The following FAR2 variants were observed in gnomAD, a reference collection of about 807,000 sequenced individuals.
FAR2 encodes the protein epididymis secretory protein Li 81.
In FAR2, 19 loss-of-function variants were observed where a neutral mutation model predicts 56.0. The observed-to-expected ratio is 0.34, with a 90% CI of 0.24 to 0.50. The LOEUF is 0.50. FAR2 is among the 20% of genes least tolerant of loss of function. The probability of loss-of-function intolerance (pLI) is 0.98; values close to 1 mark genes in which losing one functional copy is unlikely to be tolerated. For synonymous variants in FAR2, 219 were observed against 218.8 expected (o/e 1.00, Z -0.01); for missense variants, 508 against 642.2 (o/e 0.79, Z 2.26).
At chr12:29,294,099 A>T (rs79805544) in intron 3 of FAR2, among the ~76,000 whole-genome samples, 1 of 152,172 alleles carries the variant, frequency 6.6e-6, no homozygotes, top group East Asian at 1.9e-4. Flanking sequence ...GTGCACATGA[A>T]TGCTCATTTT....
chr12:29,253,564 A>T (rs995438689), intron 1 of FAR2, among the ~76,000 whole-genome samples: 2 of 152,060 alleles, frequency 1.3e-5, no homozygotes, highest in African/African-American at 4.8e-5. Flanking sequence ...AGCAAAGCAT[A>T]AAAAAATGTG....
At chr12:29,278,844 G>A (rs1948742830) in intron 2 of FAR2, among the ~76,000 whole-genome samples, 1 of 152,172 alleles carries the variant, frequency 6.6e-6, no homozygotes, top group Non-Finnish European at 1.5e-5. Flanking sequence ...ACATTTGCTA[G>A]ACTAGAAATG....
chr12:29,210,924 G>A (rs190114179), intron 1 of FAR2, among the ~76,000 whole-genome samples: 13 of 145,936 alleles, frequency 8.9e-5, no homozygotes, highest in Non-Finnish European at 1.5e-4. Context: ...GGGTGTGACA[G>A]AGTGAGACTC....
At chr12:29,213,547 G>A (rs1052957878) in intron 1 of FAR2, among the ~76,000 whole-genome samples, 3 of 152,064 alleles carry the variant, frequency 2.0e-5, no homozygotes, top group Admixed American at 1.3e-4. Flanking sequence ...AAAATTAACC[G>A]GGTGTAGTGG....
intron 10 of FAR2, among the ~76,000 whole-genome samples, chr12:29,326,709 A>G (rs1411233766): frequency 6.6e-6 from 1 of 152,240 alleles, no homozygotes; most frequent in Non-Finnish European, 1.5e-5. Context: ...ACAACACTTC[A>G]TGCTAAAAAC....
At chr12:29,216,957 A>G (rs781782072) in intron 1 of FAR2, among the ~76,000 whole-genome samples, 3 of 152,214 alleles carry the variant, frequency 2.0e-5, no homozygotes, top group Non-Finnish European at 4.4e-5. Flanking sequence ...ATAATGCAAC[A>G]CCAGAGCTAT....
At chr12:29,329,706 C>T (rs533827279) in intron 10 of FAR2, among the ~76,000 whole-genome samples, 16 of 152,314 alleles carry the variant, frequency 1.1e-4, no homozygotes, top group African/African-American at 3.8e-4. Flanking sequence ...GTCTTTGAAG[C>T]TCTCTGGAAC....
chr12:29,163,704 A>G (rs956536718), intron 1 of FAR2, among the ~76,000 whole-genome samples: 3 of 152,244 alleles, frequency 2.0e-5, no homozygotes, highest in African/African-American at 4.8e-5. Context: ...ATCATTTCAA[A>G]AGAAACAGGC....
intron 1 of FAR2, among the ~76,000 whole-genome samples, chr12:29,168,492 CT>C (rs1949852425): frequency 6.6e-6 from 1 of 152,206 alleles, no homozygotes. Context: ...GTAATTCAAA[CT>C]ACCAATAATC....
chr12:29,304,027 G>C (rs1949217814), intron 4 of FAR2, among the ~76,000 whole-genome samples: 1 of 152,190 alleles, frequency 6.6e-6, no homozygotes, highest in Admixed American at 6.5e-5. Flanking sequence ...GAAATACCCT[G>C]CTTCCCACTG....
At chr12:29,267,865 T>C (rs1239333652) in intron 1 of FAR2, among the ~76,000 whole-genome samples, 1 of 152,238 alleles carries the variant, frequency 6.6e-6, no homozygotes, top group Non-Finnish European at 1.5e-5. Flanking sequence ...ACTTACTTCA[T>C]AGCATGTGCA....
intron 7 of FAR2, among the ~76,000 whole-genome samples, chr12:29,311,666 TCA>T (rs61236613): frequency 0.032 from 4,784 of 147,390 alleles, 105 homozygotes; most frequent in South Asian, 0.071. Context: ...AACATCTCTT[TCA>T]CACACACACA....
chr12:29,278,515 ATT>A (rs76118860), intron 2 of FAR2, among the ~76,000 whole-genome samples: 13,568 of 145,272 alleles, frequency 0.093, 1,834 homozygotes, highest in African/African-American at 0.3. Flanking sequence ...ATTGTTTTTA[ATT>A]TTTTTTTTTT....
chr12:29,329,700 T>C (rs1037740571), intron 10 of FAR2, among the ~76,000 whole-genome samples: 3 of 152,236 alleles, frequency 2.0e-5, no homozygotes, highest in African/African-American at 7.2e-5. Context: ...GGACAAGTCT[T>C]TGAAGCTCTC....
chr12:29,294,506 C>T (rs1350594031), intron 3 of FAR2, among the ~76,000 whole-genome samples: 1 of 152,130 alleles, frequency 6.6e-6, no homozygotes, highest in Non-Finnish European at 1.5e-5. Context: ...TGCCACCACG[C>T]TCGGCTAATA....
intron 1 of FAR2, among the ~76,000 whole-genome samples, chr12:29,173,757 A>AC (rs550556512): frequency 1.2e-4 from 18 of 150,796 alleles, no homozygotes; most frequent in African/African-American, 2.9e-4. Context: ...GTTTCCCCAC[A>AC]CCCCCCCTAC....
In FAR2 at chr12:29,206,361, G is replaced by T. The variant is rs185148843; in HGVS notation, c.-39+56954G>T. Among the ~76,000 whole-genome samples the T allele has an allele frequency of 3.1e-4, 47 of 152,340 alleles. No individual in the cohort carries two copies. The East Asian group carries it at 8.7e-3, about 28-fold the overall frequency. On this transcript the variant is annotated intron_variant, in intron 1 of 11. Transcript: ENST00000536681. ...CCTGATACAAATACTTGGCTCATCT[G>T]TGCTAAGACTGATTGAGAAAATGTA...
chr12:29,221,141 C>G (rs75726339), intron 1 of FAR2, among the ~76,000 whole-genome samples: 5 of 151,934 alleles, frequency 3.3e-5, no homozygotes, highest in East Asian at 1.9e-4. Context: ...GTCATATACC[C>G]GTAAAATCAG....
chr12:29,328,743 G>T (rs1472647088), intron 10 of FAR2, among the ~76,000 whole-genome samples: 1 of 144,446 alleles, frequency 6.9e-6, no homozygotes, highest in Non-Finnish European at 1.5e-5. Flanking sequence ...GGCCTGTTGT[G>T]GAGTGGGGGG....
Sources: gnomAD v4.1 joint callset for allele counts (sites outside exome capture counted in the v4.1 genomes callset) on GRCh38, gnomAD v4.1.1 for gene constraint, MANE v1.5 for transcripts, NCBI Gene and HGNC (gene_info 2026-07-23, HGNC 2026-07-21) for gene names.